Variants in EML1 observed in about 807,000 individuals in gnomAD.
EML1 encodes the protein EMAP like 1.
In EML1, 27 loss-of-function variants were observed where a neutral mutation model predicts 110.4. The observed-to-expected ratio is 0.24, with a 90% CI of 0.18 to 0.34. The LOEUF is 0.34. Ranked by LOEUF, EML1 falls within the 10% of genes least tolerant of loss-of-function variation. The probability of loss-of-function intolerance (pLI) is 1.00; values close to 1 mark genes in which losing one functional copy is unlikely to be tolerated. For synonymous variants in EML1, 344 were observed against 385.8 expected, an observed-to-expected ratio of 0.89 and a Z score of 1.27; for missense variants, 741 against 1,030.9, an observed-to-expected ratio of 0.72 and a Z score of 3.85.
intron 1 of EML1, among the ~76,000 whole-genome samples, chr14:99,805,649 A>T (rs894801097): frequency 2.0e-5 from 3 of 151,270 alleles, no homozygotes; most frequent in South Asian, 2.1e-4. Context: ...TAATTTTTTT[A>T]TTTTTTTGTG....
intron 1 of EML1, among the ~76,000 whole-genome samples, chr14:99,750,447 C>T (rs1206442556): frequency 6.6e-6 from 1 of 152,190 alleles, no homozygotes. Flanking sequence ...GGGAGCATGA[C>T]TGAGGAATCA....
intron 1 of EML1, among the ~76,000 whole-genome samples, chr14:99,753,793 T>C (rs2057211782): frequency 1.3e-5 from 2 of 152,230 alleles, no homozygotes; most frequent in Admixed American, 1.3e-4. Flanking sequence ...GGAAAATTGC[T>C]GTCTGCAAGG....
chr14:99,902,624 A>G (rs919219252), intron 9 of EML1, among the ~76,000 whole-genome samples: 1 of 152,228 alleles, frequency 6.6e-6, no homozygotes, highest in African/African-American at 2.4e-5. Context: ...TGCAGCAAGA[A>G]TAATTATTTT....
At chr14:99,772,511 A>T (rs2057437701), upstream of EML1, among the ~76,000 whole-genome samples, 1 of 152,228 alleles carries the variant, frequency 6.6e-6, no homozygotes, top group African/African-American at 2.4e-5. Flanking sequence ...TGAAAATGTG[A>T]AACTCACCCC....
At chr14:99,829,452 T>G (rs1346339539) in intron 1 of EML1, among the ~76,000 whole-genome samples, 1 of 152,254 alleles carries the variant, frequency 6.6e-6, no homozygotes, top group Non-Finnish European at 1.5e-5. Context: ...TATTTTGTTA[T>G]TTTTAAATTG....
intron 17 of EML1, among the ~76,000 whole-genome samples, chr14:99,923,436 C>T (rs1293878217): frequency 6.6e-6 from 1 of 152,088 alleles, no homozygotes; most frequent in Non-Finnish European, 1.5e-5. Context: ...GAGTTAATTA[C>T]ACAAGAGTTA....
chr14:99,887,132 C>T (rs945209021), intron 4 of EML1, among the ~76,000 whole-genome samples: 3 of 152,208 alleles, frequency 2.0e-5, no homozygotes, highest in Non-Finnish European at 4.4e-5. Context: ...TGTTCTCCTG[C>T]CATCTCCCCA....
intron 1 of EML1, among the ~76,000 whole-genome samples, chr14:99,803,030 A>T (rs1163998716): frequency 6.6e-6 from 1 of 152,078 alleles, no homozygotes; most frequent in African/African-American, 2.4e-5. Flanking sequence ...CTCTGTCATC[A>T]TGATTATCCC....
intron 12 of EML1, 81 bp downstream of exon 12, chr14:99,910,422 A>G (rs910276206): frequency 1.9e-5 from 21 of 1,112,296 alleles, no homozygotes; most frequent in Admixed American, 1.2e-4. Flanking sequence ...AGAATTGTCT[A>G]TTAATACAAC....
At chr14:99,882,326 A>C (rs2059398950) in intron 4 of EML1, among the ~76,000 whole-genome samples, 1 of 152,216 alleles carries the variant, frequency 6.6e-6, no homozygotes, top group African/African-American at 2.4e-5. Context: ...GCTTATTTAG[A>C]AGCACGGTTC....
chr14:99,799,126 C>T (rs1302940033), intron 1 of EML1, among the ~76,000 whole-genome samples: 1 of 152,180 alleles, frequency 6.6e-6, no homozygotes, highest in Non-Finnish European at 1.5e-5. Flanking sequence ...GCAGGTGCTA[C>T]TTGTTAGTAA....
At chr14:99,853,618 A>G (rs1437261035) in intron 2 of EML1, among the ~76,000 whole-genome samples, 8 of 152,148 alleles carry the variant, frequency 5.3e-5, no homozygotes, top group Non-Finnish European at 8.8e-5. Flanking sequence ...TCACTTCATA[A>G]TATTTTGGCC....
intron 2 of EML1, among the ~76,000 whole-genome samples, chr14:99,851,754 C>T (rs2058810673): frequency 6.6e-6 from 1 of 152,082 alleles, no homozygotes; most frequent in Non-Finnish European, 1.5e-5. Context: ...TACTGTCATT[C>T]AGTTCAGCAT....
chr14:99,753,807 C>G (rs1645349536), intron 1 of EML1, among the ~76,000 whole-genome samples: 1 of 152,222 alleles, frequency 6.6e-6, no homozygotes, highest in Non-Finnish European at 1.5e-5. Context: ...TGCAAGGCTG[C>G]TTACAAAAAC....
chr14:99,857,780 C>T (rs1487802016), intron 2 of EML1, among the ~76,000 whole-genome samples: 2 of 152,226 alleles, frequency 1.3e-5, no homozygotes, highest in African/African-American at 4.8e-5. Context: ...TAATATTCCA[C>T]TGGATGCAAC....
rs186303976 is a variant in EML1, at chr14:99,778,312, A to G, written c.-27+4299A>G. ...AAGTTAAGCCATATTGTATGATTGA[A>G]TTTCCTTTCTTAGACAATTTTTTGT... is the stretch of plus-strand genomic sequence containing the variant. On this transcript the variant is annotated intron_variant, in intron 1 of 22. Transcript: ENST00000327921. Among the ~76,000 whole-genome samples, 777 of 152,280 alleles carry G rather than the reference A, an allele frequency of 5.1e-3. 5 individuals are homozygous for G. Among genetic ancestry groups the G allele is most frequent in the African/African-American group, 0.018 (746 of 41,546 alleles).
chr14:99,849,720 G>T (rs946767267), intron 1 of EML1, among the ~76,000 whole-genome samples: 2 of 151,386 alleles, frequency 1.3e-5, no homozygotes, highest in African/African-American at 4.9e-5. Flanking sequence ...GCTAATTTTT[G>T]AATTTTTAGT....
chr14:99,780,916 G>A (rs1327797539), intron 1 of EML1, among the ~76,000 whole-genome samples: 1 of 152,148 alleles, frequency 6.6e-6, no homozygotes, highest in Admixed American at 6.5e-5. Flanking sequence ...TGATGAAATT[G>A]CCTAACAGCA....
intron 1 of EML1, among the ~76,000 whole-genome samples, chr14:99,739,981 A>G (rs1015272499): frequency 5.3e-5 from 8 of 152,190 alleles, no homozygotes; most frequent in African/African-American, 1.7e-4. Context: ...AGGTGGGGAC[A>G]ATACTGGGAC....
Sources: gnomAD v4.1 joint callset for allele counts (sites outside exome capture counted in the v4.1 genomes callset) on GRCh38, gnomAD v4.1.1 for gene constraint, MANE v1.5 for transcripts, NCBI Gene and HGNC (gene_info 2026-07-23, HGNC 2026-07-21) for gene names.